The following TENM3 variants were observed in gnomAD, a reference collection of about 807,000 sequenced individuals.
The protein encoded by TENM3 is teneurin-3.
In TENM3, 63 loss-of-function variants were observed where a neutral mutation model predicts 255.1. The ratio of observed to expected loss-of-function variants is 0.25; its 90% CI spans 0.20 to 0.30. TENM3 has a LOEUF of 0.30. Among genes scored for constraint, TENM3 ranks in the 10% least tolerant of loss-of-function variants. TENM3 has a pLI of 1.00. For missense variants in TENM3, 2,929 were observed against 3,461.1 expected (o/e 0.85, Z 3.86); for synonymous variants, 1,306 against 1,322.3 (o/e 0.99, Z 0.27).
the TENM3 span, among the ~76,000 whole-genome samples, chr4:182,138,117 T>C: frequency 7.2e-5 from 11 of 152,206 alleles, no homozygotes; most frequent in Non-Finnish European, 1.5e-5. Flanking sequence ...TATATCCTTT[T>C]CTTTACCCAG....
chr4:181,553,934 T>G, the TENM3 span, among the ~76,000 whole-genome samples: 57 of 152,124 alleles, frequency 3.7e-4, no homozygotes, highest in African/African-American at 1.4e-3. Flanking sequence ...AGTTGACTAC[T>G]TTACCCTTCT....
At chr4:182,734,735 C>T (rs148036644) in intron 16 of TENM3, among the ~76,000 whole-genome samples, 1 of 152,208 alleles carries the variant, frequency 6.6e-6, no homozygotes, top group Non-Finnish European at 1.5e-5. Context: ...ATTTACCTTT[C>T]CTACTAATGC....
At chr4:182,407,317 G>A (rs1046578244) in intron 3 of TENM3, among the ~76,000 whole-genome samples, 1 of 152,120 alleles carries the variant, frequency 6.6e-6, no homozygotes, top group East Asian at 1.9e-4. Flanking sequence ...TTAATAAGAC[G>A]TATATTCATT....
chr4:182,743,389 C>A lies in TENM3; in HGVS notation c.3599C>A (p.Ser1200Tyr), dbSNP rs761499182. The A allele has an allele frequency of 3.7e-6, 6 of 1,613,892 alleles. No individual in the cohort carries two copies. The Middle Eastern group carries it at 5.0e-4, about 133-fold the overall frequency. Residue 1200 changes from serine (S) to tyrosine (Y), a missense_variant, in exon 19 of 28, where the codon TCT (serine) becomes TAT (tyrosine). Around this residue, in one of 6 missense-constraint regions of TENM3, gnomAD observed 1,608 missense variants for 1,884.4 expected, o/e 0.85. Transcript: ENST00000511685. ...DFNYVRRIFP[S>Y]GNVTSVLELS... The stretch of plus-strand genomic sequence containing the variant: ...AACTATGTGCGGCGGATATTCCCTT[C>A]TGGAAATGTAACAAGTGTCTTAGAA...
chr4:182,704,592 G>A (rs1306012747), intron 12 of TENM3, among the ~76,000 whole-genome samples: 1 of 152,116 alleles, frequency 6.6e-6, no homozygotes, highest in South Asian at 2.1e-4. Flanking sequence ...GGAATGCCTT[G>A]GTATAAATAC....
chr4:182,519,437 C>T (rs1418359986), intron 3 of TENM3, among the ~76,000 whole-genome samples: 2 of 152,168 alleles, frequency 1.3e-5, no homozygotes, highest in Non-Finnish European at 2.9e-5. Flanking sequence ...TTTTCATATA[C>T]TCCCGTTCTG....
chr4:182,258,984 G>A (rs576987457), intron 1 of TENM3, among the ~76,000 whole-genome samples: 21 of 152,274 alleles, frequency 1.4e-4, no homozygotes, highest in Admixed American at 1.4e-3. Flanking sequence ...ATTTGTTTTG[G>A]AGAATAACAA....
chr4:181,950,134 T>C, the TENM3 span, among the ~76,000 whole-genome samples: 2 of 152,162 alleles, frequency 1.3e-5, no homozygotes, highest in Admixed American at 1.3e-4. Context: ...TGGCTGGTCC[T>C]TGCCTTAAGT....
the TENM3 span, among the ~76,000 whole-genome samples, chr4:181,897,995 A>G: frequency 3.3e-5 from 5 of 152,206 alleles, no homozygotes; most frequent in Non-Finnish European, 7.3e-5. Flanking sequence ...TCAGAGCCAT[A>G]TGACTCACCA....
chr4:181,912,577 G>A, the TENM3 span, among the ~76,000 whole-genome samples: 2 of 151,944 alleles, frequency 1.3e-5, no homozygotes, highest in African/African-American at 4.8e-5. Context: ...TGGATCACTT[G>A]AGGTCAGGAG....
the TENM3 span, among the ~76,000 whole-genome samples, chr4:182,074,128 T>C: frequency 9.8e-5 from 15 of 152,340 alleles, no homozygotes; most frequent in East Asian, 1.9e-4. Flanking sequence ...CACAGAATTA[T>C]GGCTAAACTG....
chr4:181,835,145 A>T, the TENM3 span: 1 of 152,292 alleles, frequency 6.6e-6, no homozygotes, highest in South Asian at 2.1e-4. Flanking sequence ...TTTATGAATT[A>T]ATTTATTTTG....
Position 182,754,548 on chromosome 4 carries a change from G to A in TENM3, c.4181G>A (p.Gly1394Glu). 1 of 1,613,964 alleles carries A rather than the reference G, an allele frequency of 6.2e-7. No homozygotes were observed. The highest frequency in any genetic ancestry group is 8.5e-7 in the Non-Finnish European group (1 of 1,179,868). Residue 1394 changes from glycine (G) to glutamate (E), a missense_variant, in exon 22 of 28, where the codon GGG becomes GAG. Transcript: ENST00000511685. The surrounding 1 kb of genome is among the most constrained non-coding windows in gnomAD (Gnocchi z 5.1). ...CQVPGVEYPV[G>E]KHAVQTTLES... ...GTTCCCGGAGTGGAATATCCTGTGG[G>A]GAAGCACGCGGTGCAGACAACACTG...
chr4:181,736,778 C>T, the TENM3 span, among the ~76,000 whole-genome samples: 3 of 152,010 alleles, frequency 2.0e-5, no homozygotes, highest in African/African-American at 7.3e-5. Context: ...TTCATAACCC[C>T]CCAGTTCACC....
At chr4:182,018,553 C>T in the TENM3 span, among the ~76,000 whole-genome samples, 14 of 152,274 alleles carry the variant, frequency 9.2e-5, no homozygotes, top group East Asian at 2.7e-3. Flanking sequence ...TTCCCAGCAT[C>T]ATTCTGACCT....
At chr4:182,767,169 A>G (rs575427861) in intron 22 of TENM3, among the ~76,000 whole-genome samples, 2 of 152,238 alleles carry the variant, frequency 1.3e-5, no homozygotes, top group South Asian at 2.1e-4. Context: ...TGAGATGATA[A>G]TTGTTAAAAT....
chr4:182,080,923 C>G, the TENM3 span, among the ~76,000 whole-genome samples: 1 of 152,002 alleles, frequency 6.6e-6, no homozygotes, highest in African/African-American at 2.4e-5. Context: ...TCCCGGGTGT[C>G]AGGGCCTCAG....
chr4:182,316,649 C>T (rs568287833), intron 1 of TENM3, among the ~76,000 whole-genome samples: 1 of 152,134 alleles, frequency 6.6e-6, no homozygotes, highest in Non-Finnish European at 1.5e-5. Flanking sequence ...GGTTGAGATA[C>T]CCTGATACAG....
At chr4:181,531,333 G>C in the TENM3 span, among the ~76,000 whole-genome samples, 17 of 152,168 alleles carry the variant, frequency 1.1e-4, no homozygotes, top group Admixed American at 9.8e-4. Flanking sequence ...AAAGTTGCCA[G>C]ATAAAATCTC....
Sources: allele counts gnomAD v4.1 joint callset (sites outside exome capture counted in the v4.1 genomes callset), GRCh38; gene constraint gnomAD v4.1.1; regional missense constraint gnomAD v4.1.1; non-coding constraint Gnocchi (gnomAD v3.1); transcripts MANE v1.5; gene names NCBI Gene and HGNC (gene_info 2026-07-23, HGNC 2026-07-21).